Variants in SOHLH1 observed in about 807,000 individuals in gnomAD.
SOHLH1 encodes the protein spermatogenesis- and oogenesis-specific basic helix-loop-helix-containing protein 1.
A neutral mutation model predicts 36.2 loss-of-function variants in SOHLH1; 23 were observed. That is an observed-to-expected ratio of 0.64 (90% CI 0.46 to 0.90). SOHLH1 has a LOEUF of 0.90. Ranked by LOEUF, SOHLH1 falls within the 40% of genes least tolerant of loss-of-function variation. The pLI, the probability that SOHLH1 is intolerant of heterozygous loss-of-function variation, is 0.00. For missense variants in SOHLH1, 608 were observed against 517.0 expected, an observed-to-expected ratio of 1.18 and a Z score of -1.71; for synonymous variants, 289 against 228.3, an observed-to-expected ratio of 1.27 and a Z score of -2.40.
rs1354270960 is a variant in SOHLH1 at position 135,699,131 on chromosome 9, C to G, written c.66-5G>C. 2 of 1,594,604 alleles carry G rather than the reference C, an allele frequency of 1.3e-6. No homozygotes were observed. Among genetic ancestry groups the G allele is most frequent in the Non-Finnish European group, 1.7e-6 (2 of 1,173,772 alleles). On this transcript the variant is annotated splice_polypyrimidine_tract_variant and splice_region_variant and intron_variant, in intron 1 of 7. Transcript: ENST00000425225. The stretch of plus-strand genomic sequence containing the variant: ...AGGGCACCAGACAGGGAGCCGCTGC[C>G]GAGAAAGCCAAGAGCACCGGGCCCT...
At position 135,694,408 on chromosome 9, in the gene SOHLH1, CA is replaced by C. The variant is rs1834708740; in HGVS notation, c.924del (p.Ala309LeufsTer36). The C allele has an allele frequency of 6.2e-7, 1 of 1,613,102 alleles. No individual in the cohort carries two copies. The highest frequency in any genetic ancestry group is 1.3e-5 in the African/African-American group (1 of 74,896). On this transcript the variant is annotated frameshift_variant, in exon 7 of 8. Coordinates refer to ENST00000425225, the MANE Select transcript of SOHLH1 (RefSeq NM_001101677.2). LOFTEE classifies it low-confidence loss of function (END_TRUNC). The part of the protein sequence containing the change: ...DVDDGTSFLL[T>X]AGPSSWPGSL... ...TCACCCGGCCACGAGCTGGGACCAG[CA>C]GTCAGCAGGAAGGACGTCCCATCGT...
intron 7 of SOHLH1, chr9:135,694,123 G>A (rs1241842715): frequency 1.3e-5 from 18 of 1,432,392 alleles, no homozygotes; most frequent in Admixed American, 1.1e-4. Flanking sequence ...CTGACACAGG[G>A]TCAAGGGGAA....
At position 135,698,297 on chromosome 9, in the gene SOHLH1, G is replaced by A. The variant is rs139108294; in HGVS notation, c.345+32C>T. 5.8e-4 allele frequency: 933 copies of A among 1,612,612 alleles called. 4 individuals are homozygous for A. The African/African-American group carries it at 9.3e-3, about 16-fold the overall frequency. ...GAGATGTCCCATCACCGTGATGCCG[G>A]AGGACTGACGGCGTCTACCCTTACA... On this transcript the variant is annotated intron_variant, in intron 3 of 7. Transcript: ENST00000425225.
upstream of SOHLH1, chr9:135,699,548 C>T: frequency 6.9e-7 from 1 of 1,446,670 alleles, no homozygotes; most frequent in Non-Finnish European, 9.5e-7. Flanking sequence ...CTCTGCCCAC[C>T]TGCCACGTGC....
At chr9:135,696,862 TG>T in intron 4 of SOHLH1, 57 bp from the exon 5 acceptor site, 1 of 1,573,436 alleles carries the variant, frequency 6.4e-7, no homozygotes, top group South Asian at 1.1e-5. Flanking sequence ...CCTGGAAGGC[TG>T]CCCCCACCCA....
Position 135,694,472 on chromosome 9 carries a change from C to A in SOHLH1, c.876-15G>T, listed in dbSNP as rs757168406. 1.2e-6 allele frequency: 2 copies of A among 1,612,058 alleles called. No homozygotes were observed. Among genetic ancestry groups the A allele is most frequent in the South Asian group, 2.2e-5 (2 of 91,054 alleles). ...CCAACGCAGACCTGGAAGCGACAAG[C>A]TCTTCCTCAGTGGCCACAAGCGGAC... is the stretch of plus-strand genomic sequence containing the variant. On this transcript the variant is annotated splice_polypyrimidine_tract_variant and intron_variant, in intron 6 of 7. Transcript: ENST00000425225.
In SOHLH1 at chr9:135,699,146, C is replaced by G. The variant is rs1198774472; in HGVS notation, c.66-20G>C. ...GAGCCGCTGCCGAGAAAGCCAAGAG[C>G]ACCGGGCCCTGAGAACCCCAGAAAA... is the stretch of plus-strand genomic sequence containing the variant. On this transcript the variant is annotated intron_variant, in intron 1 of 7. Transcript: ENST00000425225. The G allele has an allele frequency of 6.3e-7, 1 of 1,582,148 alleles. No homozygotes were observed. The highest frequency in any genetic ancestry group is 2.3e-5 in the East Asian group (1 of 42,680).
chr9:135,697,495 G>A lies in SOHLH1; in HGVS notation c.467+11C>T, dbSNP rs377212015. ...CCCAGCCCTGGAGAGCGGGCCCCAG[G>A]AGACACTAACCGAGTCCCGCTGGAC... On this transcript the variant is annotated intron_variant, in intron 4 of 7. Coordinates refer to ENST00000425225, the MANE Select transcript of SOHLH1 (RefSeq NM_001101677.2). 27 of 1,608,210 alleles carry A rather than the reference G, an allele frequency of 1.7e-5. No individual in the cohort carries two copies. The highest frequency in any genetic ancestry group is 2.3e-5 in the Non-Finnish European group (27 of 1,178,768).
chr9:135,694,508 G>C, intron 6 of SOHLH1, 51 bp from the exon 7 acceptor site: 2 of 1,602,466 alleles, frequency 1.2e-6, no homozygotes. Flanking sequence ...CCAGACCTTG[G>C]AGCTCAAGGA....
At position 135,699,477 on chromosome 9, in the gene SOHLH1, G is replaced by C; in HGVS notation, c.-10C>G. On this transcript the variant is annotated 5_prime_UTR_variant, in exon 1 of 8. Coordinates refer to ENST00000425225, the MANE Select transcript of SOHLH1 (RefSeq NM_001101677.2). ...AGCACCGGGACGCCATGAACTCGCA[G>C]CTGCGGAGCGACCCCACGCGCACGG... 1.2e-6 allele frequency: 2 copies of C among 1,611,280 alleles called. No individual in the cohort carries two copies. Among genetic ancestry groups the C allele is most frequent in the South Asian group, 2.2e-5 (2 of 90,744 alleles).
At chr9:135,699,643 G>C, upstream of SOHLH1, 2 of 696,266 alleles carry the variant, frequency 2.9e-6, no homozygotes, top group Non-Finnish European at 5.0e-6. Flanking sequence ...CCAGCCCGGG[G>C]CCCACGTGAC....
At chr9:135,698,221 G>C (rs1031385794) in intron 3 of SOHLH1, 108 bp downstream of exon 3, 10 of 1,508,290 alleles carry the variant, frequency 6.6e-6, no homozygotes, top group Non-Finnish European at 8.2e-6. Flanking sequence ...TGGAGACCCA[G>C]AGGGCTGAAG....
chr9:135,698,876 C>A, intron 2 of SOHLH1, 119 bp downstream of exon 2: 1 of 1,444,248 alleles, frequency 6.9e-7, no homozygotes, highest in Non-Finnish European at 9.7e-7. Flanking sequence ...CTGTCCTTCT[C>A]CTGGGCACAG....
At chr9:135,702,075 G>A, upstream of SOHLH1, 1 of 547,200 alleles carries the variant, frequency 1.8e-6, no homozygotes, top group Admixed American at 3.9e-5. Context: ...CAGAGCCGCC[G>A]CGGGTCCCGG....
chr9:135,697,116 G>A (rs1351078791), intron 4 of SOHLH1, among the ~76,000 whole-genome samples: 1 of 152,200 alleles, frequency 6.6e-6, no homozygotes, highest in African/African-American at 2.4e-5. Context: ...CCTTCAACCT[G>A]GGGAGCTGCC....
upstream of SOHLH1, chr9:135,699,592 T>G (rs1374364590): frequency 3.2e-6 from 3 of 932,062 alleles, no homozygotes; most frequent in South Asian, 1.4e-5. Context: ...CCACTTGCAA[T>G]CCGCCCCCAT....
In SOHLH1 at chr9:135,694,379, CCACT is replaced by C. The variant is rs1834707161; in HGVS notation, c.946+4_946+7del. ...GGGGACCAGCCCTGAACCCAGGGCC[CCACT>C]CACCCGGCCACGAGCTGGGACCAGC... is the stretch of plus-strand genomic sequence containing the variant. On this transcript the variant is annotated splice_donor_5th_base_variant and intron_variant, in intron 7 of 7. Coordinates refer to ENST00000425225, the MANE Select transcript of SOHLH1 (RefSeq NM_001101677.2). 6.2e-7 allele frequency: 1 copy of C among 1,612,622 alleles called. No individual in the cohort carries two copies. The highest frequency in any genetic ancestry group is 8.5e-7 in the Non-Finnish European group (1 of 1,179,686).
intron 7 of SOHLH1, 83 bp from the exon 8 acceptor site, chr9:135,693,897 C>A: frequency 6.7e-7 from 1 of 1,489,172 alleles, no homozygotes. Flanking sequence ...AGGAACAGAG[C>A]TCCCACCTCA....
chr9:135,696,921 A>T, intron 4 of SOHLH1, 116 bp from the exon 5 acceptor site: 1 of 1,175,852 alleles, frequency 8.5e-7, no homozygotes. Context: ...CCCAGGCACC[A>T]CCCAGCATCA....
Sources: gnomAD v4.1 joint callset for allele counts (sites outside exome capture counted in the v4.1 genomes callset) on GRCh38, gnomAD v4.1.1 for gene constraint, MANE v1.5 for transcripts, NCBI Gene and HGNC (gene_info 2026-07-23, HGNC 2026-07-21) for gene names.